Variants in OXR1 observed in about 807,000 individuals in gnomAD.
OXR1 encodes oxidation resistance 1, also known as oxidation resistance protein 1.
OXR1 carries 41 observed loss-of-function variants against 104.6 expected under a neutral mutation model. The ratio of observed to expected loss-of-function variants is 0.39; its 90% CI spans 0.31 to 0.51. OXR1 has a LOEUF of 0.51. Among genes scored for constraint, OXR1 ranks in the 20% least tolerant of loss-of-function variants. OXR1 has a pLI of 0.77. For synonymous variants in OXR1, 348 were observed against 348.4 expected, an observed-to-expected ratio of 1.00 and a Z score of 0.01; for missense variants, 955 against 1,031.9, an observed-to-expected ratio of 0.93 and a Z score of 1.02.
rs567278227 is a variant in OXR1, at chr8:106,283,532, T to C, written c.-139+13165T>C. 4.5e-4 allele frequency among the ~76,000 whole-genome samples: 69 copies of C among 152,296 alleles called. 1 individual carries two copies. The highest frequency in any genetic ancestry group is 1.4e-3 in the Admixed American group (22 of 15,298). On this transcript the variant is annotated intron_variant, in intron 1 of 16. Coordinates refer to ENST00000517566, the MANE Select transcript of OXR1 (RefSeq NM_001198533.2). Reference sequence around the variant, plus strand: ...AACATACCATCCTTGCCTAGATCTATACTCTTATCTTTTAAACTTTATTTA... The same window carrying C: ...AACATACCATCCTTGCCTAGATCTACACTCTTATCTTTTAAACTTTATTTA...
intron 6 of OXR1, among the ~76,000 whole-genome samples, chr8:106,692,481 G>A (rs1000769896): frequency 1.3e-5 from 2 of 152,000 alleles, no homozygotes; most frequent in Admixed American, 6.6e-5. Context: ...ATAGATATGT[G>A]TATCTCCCTA....
chr8:106,630,918 G>A (rs1822627529), intron 3 of OXR1, among the ~76,000 whole-genome samples: 1 of 152,144 alleles, frequency 6.6e-6, no homozygotes, highest in African/African-American at 2.4e-5. Flanking sequence ...TGCTAGCTGA[G>A]GGCAGAAGGT....
chr8:106,663,339 G>T (rs1316798680), intron 3 of OXR1, among the ~76,000 whole-genome samples: 1 of 152,096 alleles, frequency 6.6e-6, no homozygotes, highest in East Asian at 1.9e-4. Context: ...AATGTGAGAA[G>T]AATTAAAATT....
rs553263160 is a variant in OXR1, at chr8:106,362,190, G to A, written c.23+2554G>A. Among the ~76,000 whole-genome samples the A allele has an allele frequency of 5.3e-5, 8 of 152,250 alleles. No homozygotes were observed. In the South Asian group the frequency reaches 1.7e-3, roughly 32 times the overall value. On this transcript the variant is annotated intron_variant, in intron 2 of 16. Transcript: ENST00000517566. ...CTGTCTGCTTGGCTGTCTTGTCAAT[G>A]TTACCACTGAGCTTCTAGTCAAAAC...
At chr8:106,735,898 A>C (rs188509610) in intron 11 of OXR1, among the ~76,000 whole-genome samples, 269 of 152,288 alleles carry the variant, frequency 1.8e-3, no homozygotes, top group Admixed American at 3.5e-3. Flanking sequence ...AACCTGAAAT[A>C]TTCTCATTCA....
At chr8:106,434,338 T>A (rs1819486836) in intron 2 of OXR1, among the ~76,000 whole-genome samples, 1 of 152,206 alleles carries the variant, frequency 6.6e-6, no homozygotes, top group Non-Finnish European at 1.5e-5. Context: ...TGTCAAAGTT[T>A]AAGAAAAAGC....
chr8:106,484,391 C>T (rs1822321782), intron 2 of OXR1, among the ~76,000 whole-genome samples: 1 of 151,882 alleles, frequency 6.6e-6, no homozygotes, highest in Admixed American at 6.6e-5. Context: ...ATATGTGTAC[C>T]AAAATATCAC....
At chr8:106,669,127 T>C in intron 3 of OXR1, among the ~76,000 whole-genome samples, 1 of 151,426 alleles carries the variant, frequency 6.6e-6, no homozygotes, top group Non-Finnish European at 1.5e-5. Context: ...CCAAGAGGAG[T>C]GTGAAATACT....
At chr8:106,280,053 C>T (rs749727747) in intron 1 of OXR1, among the ~76,000 whole-genome samples, 16 of 151,966 alleles carry the variant, frequency 1.1e-4, no homozygotes, top group Non-Finnish European at 1.6e-4. Context: ...ACCAATAGTC[C>T]TAAAGCATAA....
intron 3 of OXR1, among the ~76,000 whole-genome samples, chr8:106,676,975 G>T (rs1342425427): frequency 1.3e-5 from 2 of 152,104 alleles, no homozygotes; most frequent in Non-Finnish European, 1.5e-5. Flanking sequence ...ACTGCATTCT[G>T]TGGTGAGCTT....
At chr8:106,439,302 A>G (rs1384912749) in intron 2 of OXR1, among the ~76,000 whole-genome samples, 1 of 152,058 alleles carries the variant, frequency 6.6e-6, no homozygotes, top group Non-Finnish European at 1.5e-5. Context: ...GTGAGGACAT[A>G]GCAAGAAGGT....
intron 2 of OXR1, among the ~76,000 whole-genome samples, chr8:106,518,720 G>A (rs1046213231): frequency 1.3e-5 from 2 of 151,958 alleles, no homozygotes; most frequent in Admixed American, 6.6e-5. Context: ...ATATTTTAAT[G>A]CAATCTTTCA....
intron 3 of OXR1, among the ~76,000 whole-genome samples, chr8:106,526,681 T>C (rs1813699287): frequency 6.6e-6 from 1 of 152,196 alleles, no homozygotes; most frequent in Non-Finnish European, 1.5e-5. Flanking sequence ...TAGCTGGGAC[T>C]ACAGGCGTCC....
rs771957675 is a variant in OXR1 at position 106,560,728 on chromosome 8, G to A, written c.220+41589G>A. 6.6e-5 allele frequency among the ~76,000 whole-genome samples: 10 copies of A among 152,224 alleles called. No individual in the cohort carries two copies. The East Asian group carries it at 9.7e-4, about 15-fold the overall frequency. On this transcript the variant is annotated intron_variant, in intron 3 of 16. Coordinates refer to ENST00000517566, the MANE Select transcript of OXR1 (RefSeq NM_001198533.2). Reference sequence around the variant, plus strand: ...AACAAGCTTGACTTTAGAATGTGTCGAATAGGAACACGTCTGGTCTGCAGC... The same window carrying A: ...AACAAGCTTGACTTTAGAATGTGTCAAATAGGAACACGTCTGGTCTGCAGC...
chr8:106,594,213 G>A (rs937357790), intron 3 of OXR1, among the ~76,000 whole-genome samples: 2 of 152,050 alleles, frequency 1.3e-5, no homozygotes, highest in Admixed American at 6.6e-5. Flanking sequence ...AGCTAGCAGT[G>A]TAAAGGACAT....
rs990305563 is a variant in OXR1, at chr8:106,658,102, A to G, written c.221-21108A>G. 5.9e-5 allele frequency: 73 copies of G among 1,247,720 alleles called. 1 individual carries two copies. Among genetic ancestry groups the G allele is most frequent in the Middle Eastern group, 2.1e-4 (1 of 4,842 alleles). 77.3% of individuals were successfully genotyped at this position (1,247,720 alleles called of 1,614,324 possible). A position where few individuals can be genotyped will look rare whatever the true frequency, so the allele number is the denominator to read the frequency against. On this transcript the variant is annotated intron_variant, in intron 3 of 16. Transcript: ENST00000517566. Reference sequence around the variant, plus strand: ...GCCCGGCAGGTGCGCTTCGAAGATTACCTGAGGGAGCCAGCCCAGGGGGAC... The same window carrying G: ...GCCCGGCAGGTGCGCTTCGAAGATTGCCTGAGGGAGCCAGCCCAGGGGGAC...
At chr8:106,712,534 A>G (rs75023788) in intron 10 of OXR1, among the ~76,000 whole-genome samples, 2,751 of 152,208 alleles carry the variant, frequency 0.018, 80 homozygotes, top group African/African-American at 0.063. Context: ...AGCAAAGAGT[A>G]ACATATGGAA....
At chr8:106,675,575 C>T (rs1827500635) in intron 3 of OXR1, among the ~76,000 whole-genome samples, 1 of 152,276 alleles carries the variant, frequency 6.6e-6, no homozygotes, top group South Asian at 2.1e-4. Context: ...CATTCAGGAG[C>T]AGATTATTCA....
chr8:106,368,403 CATTTT>C (rs1469856258), intron 2 of OXR1, among the ~76,000 whole-genome samples: 3 of 151,884 alleles, frequency 2.0e-5, no homozygotes, highest in Non-Finnish European at 4.4e-5. Context: ...TGTTTTATTG[CATTTT>C]ATTTTATTTT....
Sources: allele counts gnomAD v4.1 joint callset (sites outside exome capture counted in the v4.1 genomes callset), GRCh38; gene constraint gnomAD v4.1.1; transcripts MANE v1.5; gene names NCBI Gene and HGNC (gene_info 2026-07-23, HGNC 2026-07-21).